The following CDYL2 variants were observed in gnomAD, a reference collection of about 807,000 sequenced individuals.
CDYL2 encodes the protein chromodomain Y like 2.
CDYL2 carries 23 observed loss-of-function variants against 49.4 expected under a neutral mutation model. That is an observed-to-expected ratio of 0.47 (90% CI 0.34 to 0.66). The LOEUF (loss-of-function observed/expected upper bound fraction) is 0.66, where lower values mean the gene tolerates loss of function less well. CDYL2 is among the 30% of genes least tolerant of loss of function. The pLI is 0.01. For missense variants in CDYL2, 678 were observed against 656.4 expected (o/e 1.03, Z -0.36); for synonymous variants, 360 against 268.8 (o/e 1.34, Z -3.32).
intron 1 of CDYL2, among the ~76,000 whole-genome samples, chr16:80,710,663 T>C (rs1904565033): frequency 6.6e-6 from 1 of 152,222 alleles, no homozygotes; most frequent in South Asian, 2.1e-4. Context: ...ATAATGATTT[T>C]AGTTGTATTG....
chr16:80,700,392 TAAATGAC>T (rs1190942333), intron 1 of CDYL2, among the ~76,000 whole-genome samples: 2 of 152,038 alleles, frequency 1.3e-5, no homozygotes, highest in Non-Finnish European at 2.9e-5. Flanking sequence ...AAAATAAAAT[TAAATGAC>T]AATGGACTGA....
intron 1 of CDYL2, among the ~76,000 whole-genome samples, chr16:80,688,034 G>C (rs1189920992): frequency 1.3e-5 from 2 of 152,316 alleles, no homozygotes; most frequent in African/African-American, 4.8e-5. Flanking sequence ...ATGGAAGGTG[G>C]CTATGCATAG....
intron 1 of CDYL2, among the ~76,000 whole-genome samples, chr16:80,767,815 C>A (rs562616685): frequency 6.6e-6 from 1 of 152,294 alleles, no homozygotes; most frequent in East Asian, 1.9e-4. Context: ...TCTAGCTTTT[C>A]TAAAAAGTAC....
chr16:80,711,119 T>C (rs1385265184), intron 1 of CDYL2, among the ~76,000 whole-genome samples: 5 of 152,232 alleles, frequency 3.3e-5, no homozygotes, highest in Admixed American at 3.3e-4. Context: ...GCTACGCGAC[T>C]GGCAAACTGG....
chr16:80,627,474 T>C (rs1009833643), intron 3 of CDYL2: 1 of 152,262 alleles, frequency 6.6e-6, no homozygotes, highest in African/African-American at 2.4e-5. Context: ...ATTTGCATTT[T>C]ATTGATACAA....
intron 1 of CDYL2, among the ~76,000 whole-genome samples, chr16:80,782,232 A>G (rs1024737110): frequency 2.0e-5 from 3 of 152,004 alleles, no homozygotes; most frequent in African/African-American, 7.2e-5. Context: ...ATAATTGTAC[A>G]CCAACAAACT....
intron 6 of CDYL2, among the ~76,000 whole-genome samples, chr16:80,605,967 C>T (rs1567536575): frequency 6.6e-6 from 1 of 152,250 alleles, no homozygotes; most frequent in Non-Finnish European, 1.5e-5. Context: ...CCTGGTCTGG[C>T]TGATTCCAAC....
In CDYL2 at chr16:80,641,519, G is replaced by T. The variant is rs568080139; in HGVS notation, c.617-8283C>A. Reference sequence around the variant, plus strand: ...GAAGCACTTCAATCAGAAAGAAAAGGATGTTAAGAAAATGTGGCACATATA... The same window carrying T: ...GAAGCACTTCAATCAGAAAGAAAAGTATGTTAAGAAAATGTGGCACATATA... On this transcript the variant is annotated intron_variant, in intron 2 of 6. Transcript: ENST00000570137. Among the ~76,000 whole-genome samples, 3 of 152,072 alleles carry T rather than the reference G, an allele frequency of 2.0e-5. No individual in the cohort carries two copies. In the South Asian group the frequency reaches 6.2e-4, roughly 32 times the overall value.
intron 2 of CDYL2, among the ~76,000 whole-genome samples, chr16:80,641,143 T>C (rs74794145): frequency 0.035 from 5,303 of 152,180 alleles, 120 homozygotes; most frequent in Non-Finnish European, 0.047. Flanking sequence ...AATAAGGCTA[T>C]CTGAAGGCAT....
chr16:80,678,313 A>T (rs1909838194), intron 2 of CDYL2, among the ~76,000 whole-genome samples: 1 of 152,270 alleles, frequency 6.6e-6, no homozygotes, highest in South Asian at 2.1e-4. Context: ...CTACCATCAG[A>T]GTGAACAGGC....
chr16:80,700,987 C>T (rs1904297443), intron 1 of CDYL2, among the ~76,000 whole-genome samples: 1 of 152,204 alleles, frequency 6.6e-6, no homozygotes, highest in African/African-American at 2.4e-5. Flanking sequence ...CTGAGGGACT[C>T]GGCGGGCAGA....
intron 2 of CDYL2, among the ~76,000 whole-genome samples, chr16:80,680,367 T>G (rs1405647361): frequency 6.6e-6 from 1 of 152,228 alleles, no homozygotes; most frequent in Non-Finnish European, 1.5e-5. Context: ...TCAACAGTGA[T>G]GCTCATCACC....
At chr16:80,638,661 T>C (rs1335479146) in intron 2 of CDYL2, among the ~76,000 whole-genome samples, 2 of 151,862 alleles carry the variant, frequency 1.3e-5, no homozygotes, top group African/African-American at 2.4e-5. Context: ...GACCCAGAAA[T>C]AGATCCACAG....
intron 1 of CDYL2, among the ~76,000 whole-genome samples, chr16:80,701,691 A>G (rs906310997): frequency 2.0e-5 from 3 of 152,252 alleles, no homozygotes; most frequent in African/African-American, 7.2e-5. Context: ...CTGGATGGGA[A>G]GTCTTCACAT....
intron 1 of CDYL2, among the ~76,000 whole-genome samples, chr16:80,700,219 T>C (rs1904293734): frequency 6.6e-6 from 1 of 152,166 alleles, no homozygotes; most frequent in African/African-American, 2.4e-5. Context: ...AAATTCCAGA[T>C]AAATTAGAAA....
chr16:80,765,597 CA>C (rs1348846132), intron 1 of CDYL2, among the ~76,000 whole-genome samples: 1 of 151,774 alleles, frequency 6.6e-6, no homozygotes, highest in African/African-American at 2.4e-5. Context: ...GATCTGCACG[CA>C]AAAACTTGTA....
At chr16:80,676,380 G>A (rs1164605984) in intron 2 of CDYL2, among the ~76,000 whole-genome samples, 1 of 152,168 alleles carries the variant, frequency 6.6e-6, no homozygotes, top group Non-Finnish European at 1.5e-5. Context: ...CTGGGCTCAG[G>A]GAAGTGGATA....
At chr16:80,611,757 G>A (rs1331725187) in intron 5 of CDYL2, among the ~76,000 whole-genome samples, 1 of 152,212 alleles carries the variant, frequency 6.6e-6, no homozygotes, top group Non-Finnish European at 1.5e-5. Flanking sequence ...CCTCACAGGG[G>A]CGTGGACGGC....
chr16:80,643,432 C>T (rs575611340), intron 2 of CDYL2, among the ~76,000 whole-genome samples: 108 of 152,328 alleles, frequency 7.1e-4, no homozygotes, highest in African/African-American at 2.5e-3. Context: ...GTCTGGAGGA[C>T]GGTGGCCCTT....
Sources: gnomAD v4.1 joint callset for allele counts (sites outside exome capture counted in the v4.1 genomes callset) on GRCh38, gnomAD v4.1.1 for gene constraint, MANE v1.5 for transcripts, NCBI Gene and HGNC (gene_info 2026-07-23, HGNC 2026-07-21) for gene names.